Variants in MKLN1 observed in about 807,000 individuals in gnomAD.
The protein encoded by MKLN1 is muskelin 1.
MKLN1 carries 18 observed loss-of-function variants against 99.0 expected under a neutral mutation model. The ratio of observed to expected loss-of-function variants is 0.18; its 90% CI spans 0.13 to 0.27. The LOEUF (loss-of-function observed/expected upper bound fraction) is 0.27, where lower values mean the gene tolerates loss of function less well. MKLN1 is among the 10% of genes least tolerant of loss of function. The pLI, the probability that MKLN1 is intolerant of heterozygous loss-of-function variation, is 1.00. For synonymous variants in MKLN1, 288 were observed against 293.2 expected (o/e 0.98, Z 0.18); for missense variants, 621 against 875.9 (o/e 0.71, Z 3.67).
Position 131,189,000 on chromosome 7 carries a change from A to T in MKLN1, c.-296-13857A>T, listed in dbSNP as rs552628444. ...TCTGTTGGAAATGTGTACATATCAC[A>T]TGAGACCCAGACCCATATTCAAATA... On this transcript the variant is annotated intron_variant, in intron 2 of 7. Transcript: ENST00000416992. Among the ~76,000 whole-genome samples, 13 of 152,346 alleles carry T rather than the reference A, an allele frequency of 8.5e-5. 1 individual carries two copies. The South Asian group carries it at 2.7e-3, about 32-fold the overall frequency.
intron 3 of MKLN1, among the ~76,000 whole-genome samples, chr7:131,246,025 C>G (rs1268541609): frequency 6.6e-6 from 1 of 152,216 alleles, no homozygotes; most frequent in Non-Finnish European, 1.5e-5. Flanking sequence ...ACTTCTGAAG[C>G]CCCTGAGAGG....
intron 3 of MKLN1, among the ~76,000 whole-genome samples, chr7:131,292,499 T>C (rs1798235931): frequency 6.6e-6 from 1 of 152,144 alleles, no homozygotes. Context: ...CACAAATAAT[T>C]AGTCAAGATA....
chr7:131,377,553 A>G (rs1156569036), intron 2 of MKLN1, among the ~76,000 whole-genome samples: 1 of 151,916 alleles, frequency 6.6e-6, no homozygotes, highest in Non-Finnish European at 1.5e-5. Context: ...TCATTTGATT[A>G]TTTTTATTTC....
chr7:131,234,512 T>A (rs1275320844), intron 3 of MKLN1, among the ~76,000 whole-genome samples: 1 of 152,308 alleles, frequency 6.6e-6, no homozygotes, highest in African/African-American at 2.4e-5. Context: ...AGAGGACTCG[T>A]GTAAACTGGC....
In MKLN1 at chr7:131,428,454, TTTAAC is replaced by T. The variant is rs796985620; in HGVS notation, c.848-574_848-570del. 2.3e-3 allele frequency among the ~76,000 whole-genome samples: 350 copies of T among 152,336 alleles called. 3 individuals are homozygous for T. Among genetic ancestry groups the T allele is most frequent in the African/African-American group, 7.9e-3 (330 of 41,588 alleles). Reference sequence around the variant, plus strand: ...ATCACTTTTTCTTAAGATATCTAATTTTAACTTAAAGCTAGTTTTAACCATTGTTT... The same window carrying T: ...ATCACTTTTTCTTAAGATATCTAATTTTAAAGCTAGTTTTAACCATTGTTT... On this transcript the variant is annotated intron_variant, in intron 8 of 17. Coordinates refer to ENST00000352689, the MANE Select transcript of MKLN1 (RefSeq NM_013255.5).
chr7:131,375,918 T>C (rs1411985994), intron 2 of MKLN1, among the ~76,000 whole-genome samples: 1 of 150,228 alleles, frequency 6.7e-6, no homozygotes, highest in Non-Finnish European at 1.5e-5. Flanking sequence ...TGGCAAGTAG[T>C]GTCTGGGGTT....
intron 1 of MKLN1, among the ~76,000 whole-genome samples, chr7:131,343,362 G>A (rs187871264): frequency 6.6e-5 from 10 of 152,258 alleles, no homozygotes; most frequent in Middle Eastern, 6.8e-3. Context: ...CTTAGACTTT[G>A]TGTATATGAA....
intron 2 of MKLN1, among the ~76,000 whole-genome samples, chr7:131,177,883 C>T (rs1425646019): frequency 2.6e-5 from 4 of 152,122 alleles, no homozygotes; most frequent in African/African-American, 9.7e-5. Context: ...GTAGGAAGTC[C>T]AGGACTGGTA....
At chr7:131,340,528 C>T (rs1799378557) in intron 1 of MKLN1, among the ~76,000 whole-genome samples, 1 of 152,108 alleles carries the variant, frequency 6.6e-6, no homozygotes, top group Non-Finnish European at 1.5e-5. Context: ...ACCCACCTGC[C>T]TTGGCCTCCC....
At chr7:131,113,486 G>A (rs548717042) in intron 1 of MKLN1, among the ~76,000 whole-genome samples, 1 of 152,126 alleles carries the variant, frequency 6.6e-6, no homozygotes, top group Non-Finnish European at 1.5e-5. Context: ...AACCACTGAT[G>A]AATTTTAAGG....
intron 3 of MKLN1, among the ~76,000 whole-genome samples, chr7:131,300,310 A>G (rs1420497937): frequency 6.6e-6 from 1 of 151,766 alleles, no homozygotes; most frequent in Non-Finnish European, 1.5e-5. Flanking sequence ...GAGGAAGGGG[A>G]AGAGAAAAAT....
chr7:131,121,633 C>G (rs1024827172), intron 1 of MKLN1, among the ~76,000 whole-genome samples: 4 of 49,032 alleles, frequency 8.2e-5, no homozygotes, highest in African/African-American at 3.5e-4. Context: ...AGCAAGACTC[C>G]GTCTCAAAAA....
chr7:131,353,923 A>AAC (rs1394380724), intron 1 of MKLN1, among the ~76,000 whole-genome samples: 5 of 147,980 alleles, frequency 3.4e-5, no homozygotes, highest in African/African-American at 1.0e-4. Context: ...AAAAAAAAAA[A>AAC]ACCAGTTGGG....
chr7:131,333,661 C>G (rs1410402341), intron 1 of MKLN1, among the ~76,000 whole-genome samples: 1 of 152,074 alleles, frequency 6.6e-6, no homozygotes, highest in Non-Finnish European at 1.5e-5. Context: ...CTCAGCCTCC[C>G]AAGTAGCTGG....
chr7:131,365,784 TG>T (rs1460988375), intron 1 of MKLN1, among the ~76,000 whole-genome samples: 1 of 152,164 alleles, frequency 6.6e-6, no homozygotes, highest in Non-Finnish European at 1.5e-5. Flanking sequence ...ATACTTTTTT[TG>T]TCTGTCTCTT....
chr7:131,356,320 TAG>T (rs1423753111), intron 1 of MKLN1, among the ~76,000 whole-genome samples: 4 of 152,094 alleles, frequency 2.6e-5, no homozygotes, highest in Admixed American at 1.3e-4. Context: ...GTTATTACTT[TAG>T]AGAAACAGTT....
chr7:131,131,952 T>C (rs147917202), intron 1 of MKLN1, among the ~76,000 whole-genome samples: 1,871 of 152,258 alleles, frequency 0.012, 12 homozygotes, highest in Middle Eastern at 0.017. Context: ...GACTCAGAGA[T>C]CACATGACAT....
chr7:131,299,170 A>G (rs944244235), intron 3 of MKLN1, among the ~76,000 whole-genome samples: 1 of 152,194 alleles, frequency 6.6e-6, no homozygotes, highest in Non-Finnish European at 1.5e-5. Context: ...TTCCTCAAGA[A>G]GACACTTGAA....
chr7:131,315,033 G>T (rs540132365), intron 3 of MKLN1, among the ~76,000 whole-genome samples: 1 of 152,164 alleles, frequency 6.6e-6, no homozygotes, highest in East Asian at 1.9e-4. Flanking sequence ...AAGTGGGCTG[G>T]GATTACAGAC....
Sources: allele counts gnomAD v4.1 joint callset (sites outside exome capture counted in the v4.1 genomes callset), GRCh38; gene constraint gnomAD v4.1.1; transcripts MANE v1.5; gene names NCBI Gene and HGNC (gene_info 2026-07-23, HGNC 2026-07-21).